ERCC2: variants seen among roughly 807,000 people sequenced by gnomAD.
ERCC2 encodes the protein ERCC excision repair 2, TFIIH core complex helicase subunit.
A neutral mutation model predicts 99.4 loss-of-function variants in ERCC2; 90 were observed. That is an observed-to-expected ratio of 0.91 (90% confidence interval 0.76 to 1.08). The LOEUF (loss-of-function observed/expected upper bound fraction) is 1.08, where lower values mean the gene tolerates loss of function less well. ERCC2 is among the 50% of genes least tolerant of loss of function. The pLI is 0.00. For synonymous variants in ERCC2, 497 were observed against 432.4 expected, an observed-to-expected ratio of 1.15 and a Z score of -1.85; for missense variants, 993 against 1,038.1, an observed-to-expected ratio of 0.96 and a Z score of 0.60.
chr19:45,359,269 G>A (rs1015614602), intron 12 of ERCC2, among the ~76,000 whole-genome samples: 1 of 152,186 alleles, frequency 6.6e-6, no homozygotes, highest in Admixed American at 6.5e-5. Flanking sequence ...ATGAGGTGTT[G>A]GCAGATGGGA....
intron 12 of ERCC2, among the ~76,000 whole-genome samples, chr19:45,360,004 A>G (rs1184480869): frequency 6.7e-6 from 1 of 148,466 alleles, no homozygotes; most frequent in Admixed American, 6.7e-5. Flanking sequence ...CGAACTCCTG[A>G]CCTCAGGTGA....
At chr19:45,365,981 T>C (rs1599746635) in intron 5 of ERCC2, among the ~76,000 whole-genome samples, 1 of 149,496 alleles carries the variant, frequency 6.7e-6, no homozygotes, top group African/African-American at 2.5e-5. Context: ...CGGCCACAGG[T>C]GTGCACCACC....
intron 15 of ERCC2, among the ~76,000 whole-genome samples, chr19:45,356,253 G>A (rs372406227): frequency 1.4e-4 from 22 of 152,094 alleles, no homozygotes; most frequent in Middle Eastern, 3.2e-3. Context: ...GGTCATTACC[G>A]GTCCACAACC....
intron 4 of ERCC2, 48 bp downstream of exon 4, chr19:45,368,882 G>T: frequency 6.2e-7 from 1 of 1,603,618 alleles, no homozygotes; most frequent in Non-Finnish European, 8.5e-7. Context: ...GGACCAATAG[G>T]GCCTAGGGAA....
At position 45,364,069 on chromosome 19, in the gene ERCC2, A is replaced by C. The variant is rs1326520830; in HGVS notation, c.866T>G (p.Val289Gly). 1 of 1,587,574 alleles carries C rather than the reference A, an allele frequency of 6.3e-7. No individual in the cohort carries two copies. Residue 289 changes from valine (V) to glycine (G), a missense_variant, in exon 10 of 23, where the codon GTG becomes GGG. By Grantham distance (109) the Val-to-Gly change is moderately radical. Transcript: ENST00000391945. Reference protein sequence around the residue: ...QRLRDEYRRLVEGLREASAAR... With the variant: ...QRLRDEYRRLGEGLREASAAR... ...GGCGCTGGCCTCCCGCAGCCCCTCC[A>C]CCAGACGCCGGTACTCGTCCCGCAG...
chr19:45,354,949 T>C, intron 16 of ERCC2, 98 bp from the exon 17 acceptor site: 1 of 1,522,952 alleles, frequency 6.6e-7, no homozygotes, highest in Non-Finnish European at 9.1e-7. Context: ...TGAGGCTGCC[T>C]GTCAGGCTTT....
rs536087165 is a variant in ERCC2, at chr19:45,350,175, A to G, written c.*1454T>C. On this transcript the variant is annotated 3_prime_UTR_variant, in exon 23 of 23. Coordinates refer to ENST00000391945, the MANE Select transcript of ERCC2 (RefSeq NM_000400.4). ...GGTGGTTCACGCTTGTAACCCCAACACTTTGGGAGGCCAAGGCAGGAGGAT... is the reference window on the plus strand; with the variant it reads ...GGTGGTTCACGCTTGTAACCCCAACGCTTTGGGAGGCCAAGGCAGGAGGAT... The G allele has an allele frequency of 6.5e-6, 4 of 614,862 alleles. No homozygotes were observed. In the South Asian group the frequency reaches 8.0e-5, roughly 12 times the overall value. The allele number at this position is 614,862 out of a possible 1,614,324, so 38.1% of individuals were successfully genotyped here.
At position 45,352,285 on chromosome 19, in the gene ERCC2, T is replaced by A. The variant is rs140296400; in HGVS notation, c.2114A>T (p.Asn705Ile). ...RWIQEHLTDA[N>I]LNLTVDEGVQ... ...ACCCTCGTCCACGGTCAGGTTGAGG[T>A]TGGCATCTGTGAGGTGCTCCTGGAT... is the stretch of plus-strand genomic sequence containing the variant. Residue 705 changes from asparagine to isoleucine, a missense_variant, in exon 22 of 23, where the codon AAC (asparagine) becomes ATC (isoleucine). This residue lies in a region of ERCC2 where 909 missense variants were observed against 930.8 expected (regional missense o/e 0.98). Transcript: ENST00000391945. The A allele has an allele frequency of 1.9e-6, 3 of 1,614,010 alleles. No individual in the cohort carries two copies. The highest frequency in any genetic ancestry group is 2.5e-6 in the Non-Finnish European group (3 of 1,179,988).
intron 12 of ERCC2, among the ~76,000 whole-genome samples, chr19:45,359,113 G>A (rs1276714601): frequency 1.3e-5 from 2 of 152,156 alleles, no homozygotes; most frequent in Admixed American, 6.6e-5. Context: ...GGACAGAGGT[G>A]CCCAGAGGAG....
At chr19:45,353,042 TCTGGGAAGACAC>T (rs1971874861) in intron 19 of ERCC2, 29 bp downstream of exon 19, 2 of 1,589,386 alleles carry the variant, frequency 1.3e-6, no homozygotes, top group Non-Finnish European at 1.7e-6. Context: ...TCCAGAGAGC[TCTGGGAAGACAC>T]CTGGGGAGGA....
At chr19:45,367,967 A>G (rs894922003) in intron 5 of ERCC2, among the ~76,000 whole-genome samples, 4 of 150,334 alleles carry the variant, frequency 2.7e-5, no homozygotes, top group African/African-American at 9.8e-5. Context: ...GCATGACCTC[A>G]GCTCACTGCA....
chr19:45,369,639 G>A (rs765218342), intron 2 of ERCC2, among the ~76,000 whole-genome samples: 19 of 152,158 alleles, frequency 1.2e-4, no homozygotes, highest in Non-Finnish European at 2.4e-4. Context: ...AGAAATTGCA[G>A]GTTAAATATT....
chr19:45,351,938 C>T (rs1053563448), intron 22 of ERCC2, among the ~76,000 whole-genome samples: 1 of 152,186 alleles, frequency 6.6e-6, no homozygotes, highest in Non-Finnish European at 1.5e-5. Context: ...CCGGCTTTCT[C>T]CAGGCCAGCA....
chr19:45,356,861 G>A (rs946502159), intron 15 of ERCC2, among the ~76,000 whole-genome samples: 3 of 152,172 alleles, frequency 2.0e-5, no homozygotes, highest in Admixed American at 2.0e-4. Context: ...AAGGGACTGA[G>A]GGCTCATGTT....
intron 16 of ERCC2, 127 bp downstream of exon 16, chr19:45,355,538 C>T: frequency 1.1e-6 from 1 of 898,582 alleles, no homozygotes; most frequent in Non-Finnish European, 1.9e-6. Flanking sequence ...GTACCACGGG[C>T]AAGAAGGAAA....
In ERCC2 at chr19:45,350,219, C is replaced by G; in HGVS notation, c.*1410G>C. 1 of 722,704 alleles carries G rather than the reference C, an allele frequency of 1.4e-6. No individual in the cohort carries two copies. The highest frequency in any genetic ancestry group is 2.3e-6 in the Non-Finnish European group (1 of 442,048). 44.8% of individuals were successfully genotyped at this position (722,704 alleles called of 1,614,324 possible). A position where few individuals can be genotyped will look rare whatever the true frequency, so the allele number is the denominator to read the frequency against. On this transcript the variant is annotated 3_prime_UTR_variant, in exon 23 of 23. Coordinates refer to ENST00000391945, the MANE Select transcript of ERCC2 (RefSeq NM_000400.4). ...GGAGGATCACTTGAGGCTAGGAGTT[C>G]AAGACCAGCCTGGGCAACATACCAA...
chr19:45,358,466 C>T (rs1000046663), intron 12 of ERCC2: 13 of 282,514 alleles, frequency 4.6e-5, no homozygotes, highest in Admixed American at 3.9e-4. Context: ...GCTCGCTTCA[C>T]GGCAGCCAGA....
intron 12 of ERCC2, 95 bp downstream of exon 12, chr19:45,361,429 G>T (rs1972214413): frequency 1.1e-6 from 1 of 893,488 alleles, no homozygotes; most frequent in Non-Finnish European, 1.9e-6. Context: ...ACCCCACAAA[G>T]CCCTGTGTGT....
chr19:45,358,001 C>T lies in ERCC2; in HGVS notation c.1238-302G>A, dbSNP rs1306984206. On this transcript the variant is annotated intron_variant, in intron 12 of 22. Coordinates refer to ENST00000391945, the MANE Select transcript of ERCC2 (RefSeq NM_000400.4). ...CACCGCATGGGCTGCCCAGCACCCA[C>T]GCCAAAGCCAGGAGCCAGAGCCTCA... The T allele has an allele frequency of 7.7e-5, 39 of 504,126 alleles. No homozygotes were observed. The Middle Eastern group carries it at 1.6e-3, about 21-fold the overall frequency. 31.2% of individuals were successfully genotyped at this position (504,126 alleles called of 1,614,324 possible).
Sources: allele counts gnomAD v4.1 joint callset (sites outside exome capture counted in the v4.1 genomes callset), GRCh38; gene constraint gnomAD v4.1.1; regional missense constraint gnomAD v4.1.1; transcripts MANE v1.5; gene names NCBI Gene and HGNC (gene_info 2026-07-23, HGNC 2026-07-21).